Variants in SLC8A1 observed in about 807,000 individuals in gnomAD.
SLC8A1 encodes solute carrier family 8 member A1, also known as sodium/calcium exchanger 1.
SLC8A1 carries 18 observed loss-of-function variants against 68.3 expected under a neutral mutation model. The ratio of observed to expected loss-of-function variants is 0.26; its 90% CI spans 0.18 to 0.39. The LOEUF (loss-of-function observed/expected upper bound fraction) is 0.39, where lower values mean the gene tolerates loss of function less well. Among genes scored for constraint, SLC8A1 ranks in the 10% least tolerant of loss-of-function variants. The probability of loss-of-function intolerance (pLI) is 1.00; values close to 1 mark genes in which losing one functional copy is unlikely to be tolerated. For missense variants in SLC8A1, 985 were observed against 1,156.7 expected, an observed-to-expected ratio of 0.85 and a Z score of 2.15; for synonymous variants, 475 against 415.5, an observed-to-expected ratio of 1.14 and a Z score of -1.74.
intron 2 of SLC8A1, among the ~76,000 whole-genome samples, chr2:40,275,671 T>C (rs1427077589): frequency 6.6e-6 from 1 of 152,130 alleles, no homozygotes; most frequent in African/African-American, 2.4e-5. Flanking sequence ...AAAATGAAGG[T>C]CATTTAAAAA....
chr2:40,248,704 G>A lies in SLC8A1; in HGVS notation c.1809-70849C>T, dbSNP rs571710298. On this transcript the variant is annotated intron_variant, in intron 2 of 7. Coordinates refer to ENST00000406785, the Ensembl canonical transcript of SLC8A1. ...CAACCTATATTCAATTCCCCTTTCC[G>A]TGATCTATAGTATGGGCATAAATAG... 7.9e-5 allele frequency among the ~76,000 whole-genome samples: 12 copies of A among 151,936 alleles called. No individual in the cohort carries two copies. The South Asian group carries it at 1.2e-3, about 16-fold the overall frequency.
At chr2:40,146,433 C>T (rs991385407) in intron 6 of SLC8A1, among the ~76,000 whole-genome samples, 1 of 152,146 alleles carries the variant, frequency 6.6e-6, no homozygotes, top group African/African-American at 2.4e-5. Flanking sequence ...GGCCCCATCC[C>T]CTAGGCCAGT....
chr2:40,252,021 A>C (rs915620282), intron 2 of SLC8A1, among the ~76,000 whole-genome samples: 1 of 152,194 alleles, frequency 6.6e-6, no homozygotes, highest in Non-Finnish European at 1.5e-5. Context: ...CATATATGCA[A>C]TATGATTACA....
At chr2:40,348,036 G>A (rs576620623) in intron 2 of SLC8A1, among the ~76,000 whole-genome samples, 13 of 152,246 alleles carry the variant, frequency 8.5e-5, no homozygotes, top group African/African-American at 2.4e-4. Context: ...TTTATTTACT[G>A]AAGGAAGGAG....
At chr2:40,341,517 C>T (rs1432369277) in intron 2 of SLC8A1, among the ~76,000 whole-genome samples, 1 of 152,134 alleles carries the variant, frequency 6.6e-6, no homozygotes, top group Non-Finnish European at 1.5e-5. Context: ...GTTGATTTTG[C>T]AAGGTCTTTC....
chr2:40,203,548 A>G (rs1449597644), intron 2 of SLC8A1, among the ~76,000 whole-genome samples: 1 of 152,030 alleles, frequency 6.6e-6, no homozygotes, highest in Non-Finnish European at 1.5e-5. Flanking sequence ...TTAGTTGCTC[A>G]AGAGAAATGC....
chr2:40,155,319 G>A (rs922614685), intron 6 of SLC8A1, among the ~76,000 whole-genome samples: 1 of 151,816 alleles, frequency 6.6e-6, no homozygotes, highest in Non-Finnish European at 1.5e-5. Flanking sequence ...TAAGTAGAGA[G>A]GTGGTTTCAC....
At chr2:40,396,849 T>C (rs1238961596) in intron 2 of SLC8A1, among the ~76,000 whole-genome samples, 1 of 149,898 alleles carries the variant, frequency 6.7e-6, no homozygotes, top group African/African-American at 2.5e-5. Context: ...ATTCCAGTGA[T>C]AATGACCTGA....
At chr2:40,380,391 G>T (rs1410397340) in intron 2 of SLC8A1, among the ~76,000 whole-genome samples, 3 of 152,138 alleles carry the variant, frequency 2.0e-5, no homozygotes, top group Non-Finnish European at 4.4e-5. Flanking sequence ...AATGTGCAAT[G>T]GATGTACAGC....
intron 2 of SLC8A1, among the ~76,000 whole-genome samples, chr2:40,238,604 C>G (rs1205281759): frequency 6.6e-6 from 1 of 152,212 alleles, no homozygotes; most frequent in Non-Finnish European, 1.5e-5. Flanking sequence ...CGGAGCTGTT[C>G]CTATTCGGCC....
intron 2 of SLC8A1, among the ~76,000 whole-genome samples, chr2:40,417,661 A>G (rs1191075739): frequency 6.6e-6 from 1 of 152,140 alleles, no homozygotes; most frequent in Non-Finnish European, 1.5e-5. Flanking sequence ...GGCTTAAGCC[A>G]CAGGGATAAA....
At chr2:40,223,779 T>C (rs916874901) in intron 2 of SLC8A1, 6 of 152,054 alleles carry the variant, frequency 3.9e-5, no homozygotes, top group East Asian at 1.9e-4. Context: ...ATGACAAATA[T>C]CTGATTCACT....
chr2:40,179,638 T>C (rs953797168), intron 2 of SLC8A1, among the ~76,000 whole-genome samples: 1 of 152,262 alleles, frequency 6.6e-6, no homozygotes, highest in African/African-American at 2.4e-5. Context: ...TGAGTGTTTG[T>C]AGACAACGGA....
At chr2:40,235,438 T>G (rs1460925257) in intron 2 of SLC8A1, among the ~76,000 whole-genome samples, 3 of 152,136 alleles carry the variant, frequency 2.0e-5, no homozygotes, top group Non-Finnish European at 4.4e-5. Flanking sequence ...GTGGGATCGG[T>G]GGTGATATCC....
intron 1 of SLC8A1, among the ~76,000 whole-genome samples, chr2:40,447,366 G>A (rs1020419411): frequency 3.3e-5 from 5 of 152,016 alleles, no homozygotes; most frequent in Non-Finnish European, 1.5e-5. Flanking sequence ...CCAAATTTTG[G>A]AGAGTTTATC....
In SLC8A1 at chr2:40,115,123, G is replaced by T. The variant is rs1456601538; in HGVS notation, c.*130C>A. 4.6e-6 allele frequency: 3 copies of T among 645,482 alleles called. No homozygotes were observed. The African/African-American group carries it at 5.6e-5, about 12-fold the overall frequency. The allele number at this position is 645,482 out of a possible 1,614,324, so 40.0% of individuals were successfully genotyped here. A position where few individuals can be genotyped will look rare whatever the true frequency, so the allele number is the denominator to read the frequency against. On this transcript the variant is annotated 3_prime_UTR_variant, in exon 8 of 8. Coordinates refer to ENST00000406785, the Ensembl canonical transcript of SLC8A1. ...TTTTTTACTTCGGCCCTAGTACAGA[G>T]TATGCTCTTGAAGCTGGATTCCATC...
chr2:40,177,189 A>G (rs1031622935), intron 3 of SLC8A1, among the ~76,000 whole-genome samples: 1 of 152,230 alleles, frequency 6.6e-6, no homozygotes, highest in African/African-American at 2.4e-5. Context: ...TGCTAAAATG[A>G]GCACTAGAAT....
intron 2 of SLC8A1, among the ~76,000 whole-genome samples, chr2:40,341,157 T>A (rs1248036085): frequency 6.6e-6 from 1 of 152,198 alleles, no homozygotes. Context: ...GTGTACTCCC[T>A]GGCTCTCTTT....
chr2:40,503,307 C>T (rs1706159720), intron 1 of SLC8A1, among the ~76,000 whole-genome samples: 1 of 152,024 alleles, frequency 6.6e-6, no homozygotes, highest in Non-Finnish European at 1.5e-5. Context: ...TCATAGTTCT[C>T]ACCGAGCTGC....
Sources: allele counts gnomAD v4.1 joint callset (sites outside exome capture counted in the v4.1 genomes callset), GRCh38; gene constraint gnomAD v4.1.1; transcripts MANE v1.5; gene names NCBI Gene and HGNC (gene_info 2026-07-23, HGNC 2026-07-21).